ANKS1A: variants seen among roughly 807,000 people sequenced by gnomAD.
The protein encoded by ANKS1A is ankyrin repeat and SAM domain-containing protein 1A.
Under a neutral mutation model 120.3 loss-of-function variants are expected in ANKS1A, and 55 were observed. The ratio of observed to expected loss-of-function variants is 0.46; its 90% CI spans 0.37 to 0.57. ANKS1A has a LOEUF of 0.57. ANKS1A is among the 20% of genes least tolerant of loss of function. The probability of loss-of-function intolerance (pLI) is 0.00; values close to 1 mark genes in which losing one functional copy is unlikely to be tolerated. For missense variants in ANKS1A, 1,123 were observed against 1,480.3 expected (o/e 0.76, Z 3.96); for synonymous variants, 590 against 604.7 (o/e 0.98, Z 0.36).
At chr6:34,975,242 T>C (rs1244113710) in intron 3 of ANKS1A, among the ~76,000 whole-genome samples, 1 of 151,884 alleles carries the variant, frequency 6.6e-6, no homozygotes, top group Non-Finnish European at 1.5e-5. Context: ...TTACCTGAGG[T>C]CAGGGATTCG....
intron 1 of ANKS1A, among the ~76,000 whole-genome samples, chr6:34,918,109 C>A (rs1768262515): frequency 6.6e-6 from 1 of 152,216 alleles, no homozygotes; most frequent in Admixed American, 6.5e-5. Flanking sequence ...ACTGATTTTA[C>A]CCATGATTGA....
intron 1 of ANKS1A, among the ~76,000 whole-genome samples, chr6:34,961,792 G>C (rs1770653846): frequency 6.6e-6 from 1 of 152,180 alleles, no homozygotes; most frequent in South Asian, 2.1e-4. Flanking sequence ...CAGCCTTGGT[G>C]TTTCCTCTTT....
At chr6:35,095,600 GAA>G (rs1389350851), downstream of ANKS1A, among the ~76,000 whole-genome samples, 23 of 67,556 alleles carry the variant, frequency 3.4e-4, no homozygotes, top group Admixed American at 3.0e-3. Flanking sequence ...AAGAGAGAAA[GAA>G]AGAGAGAAAC....
At chr6:34,951,096 T>C (rs1770070961) in intron 1 of ANKS1A, among the ~76,000 whole-genome samples, 1 of 152,190 alleles carries the variant, frequency 6.6e-6, no homozygotes, top group Admixed American at 6.5e-5. Context: ...CATACTGTAC[T>C]TACTGTTATG....
intron 10 of ANKS1A, among the ~76,000 whole-genome samples, chr6:35,006,311 T>C (rs1291960662): frequency 6.7e-6 from 1 of 148,196 alleles, no homozygotes; most frequent in Non-Finnish European, 1.5e-5. Context: ...TGAGGCTCTG[T>C]CTCAAAAAAA....
At position 35,090,119 on chromosome 6, in the gene ANKS1A, G is replaced by T; in HGVS notation, c.*1510G>T. The T allele has an allele frequency of 7.8e-7, 1 of 1,289,370 alleles. No homozygotes were observed. Among genetic ancestry groups the T allele is most frequent in the African/African-American group, 1.5e-5 (1 of 66,004 alleles). 79.9% of individuals were successfully genotyped at this position (1,289,370 alleles called of 1,614,324 possible). A position where few individuals can be genotyped will look rare whatever the true frequency, so the allele number is the denominator to read the frequency against. The stretch of plus-strand genomic sequence containing the variant: ...TCTGCTAAGCACCCAGCAGGTTGGG[G>T]CCTGGGACTCAGCTCTCTCTGCGGT... On this transcript the variant is annotated 3_prime_UTR_variant, in exon 24 of 24. Coordinates refer to ENST00000360359, the MANE Select transcript of ANKS1A (RefSeq NM_015245.3).
chr6:34,891,129 A>G (rs1766801955), intron 1 of ANKS1A, among the ~76,000 whole-genome samples: 1 of 152,156 alleles, frequency 6.6e-6, no homozygotes, highest in African/African-American at 2.4e-5. Context: ...TTCCAAAAGG[A>G]GGGAGACTTA....
At position 35,084,571 on chromosome 6, in the gene ANKS1A, A is replaced by G. The variant is rs2127613975; in HGVS notation, c.3132+313A>G. 1.3e-5 allele frequency among the ~76,000 whole-genome samples: 2 copies of G among 148,578 alleles called. No homozygotes were observed. The highest frequency in any genetic ancestry group is 4.2e-4 in the South Asian group (2 of 4,712). On this transcript the variant is annotated intron_variant, in intron 21 of 23. Transcript: ENST00000360359. The surrounding 1 kb of genome is among the most constrained non-coding windows in gnomAD (Gnocchi z 4.8). ...TTGCACTCCTGGGTTCAGGCAAGTT[A>G]CCCACCTCAGCCTCCCACGTAACTG... is the stretch of plus-strand genomic sequence containing the variant.
chr6:35,023,334 C>T (rs1382150869), intron 11 of ANKS1A, among the ~76,000 whole-genome samples: 8 of 152,266 alleles, frequency 5.3e-5, no homozygotes, highest in East Asian at 1.9e-4. Context: ...GTTTTTGGCA[C>T]TGTTTCTATC....
intron 1 of ANKS1A, among the ~76,000 whole-genome samples, chr6:34,927,321 G>A (rs1284885372): frequency 6.6e-6 from 1 of 152,004 alleles, no homozygotes; most frequent in African/African-American, 2.4e-5. Context: ...GCATAAGGAC[G>A]CAGAAGAAAT....
chr6:34,914,199 G>A (rs1480601030), intron 1 of ANKS1A, among the ~76,000 whole-genome samples: 11 of 152,218 alleles, frequency 7.2e-5, no homozygotes, highest in Non-Finnish European at 1.2e-4. Context: ...GGGATTACAG[G>A]TGTGAGCCAC....
At chr6:34,893,934 A>T (rs1399705394) in intron 1 of ANKS1A, among the ~76,000 whole-genome samples, 6 of 152,234 alleles carry the variant, frequency 3.9e-5, no homozygotes, top group Admixed American at 6.5e-5. Context: ...GAAGAAAAAA[A>T]ATATAGTTTT....
chr6:34,967,104 A>T, intron 1 of ANKS1A, 135 bp from the exon 2 acceptor site: 1 of 734,144 alleles, frequency 1.4e-6, no homozygotes, highest in South Asian at 1.7e-5. Context: ...GTGTGTTATC[A>T]GGAGTCATTT....
At chr6:34,902,444 C>A (rs912528687) in intron 1 of ANKS1A, among the ~76,000 whole-genome samples, 1 of 152,018 alleles carries the variant, frequency 6.6e-6, no homozygotes, top group African/African-American at 2.4e-5. Context: ...GACGGGATTT[C>A]TCCGTGTTGG....
At chr6:34,919,263 G>A (rs1302667768) in intron 1 of ANKS1A, among the ~76,000 whole-genome samples, 5 of 152,184 alleles carry the variant, frequency 3.3e-5, no homozygotes, top group Non-Finnish European at 4.4e-5. Flanking sequence ...GTTCCCCCAG[G>A]AGATTGTTGT....
intron 1 of ANKS1A, among the ~76,000 whole-genome samples, chr6:34,912,415 C>G (rs1422814751): frequency 6.6e-6 from 1 of 152,120 alleles, no homozygotes; most frequent in Non-Finnish European, 1.5e-5. Context: ...GGGTGGTCCT[C>G]GGCTCTATTC....
chr6:35,092,298 A>G (rs1282145163), downstream of ANKS1A, among the ~76,000 whole-genome samples: 6 of 152,204 alleles, frequency 3.9e-5, no homozygotes, highest in Admixed American at 1.3e-4. Context: ...CGTTTCTTAA[A>G]AGGGCCTTAA....
At chr6:34,916,128 G>A (rs1213305630) in intron 1 of ANKS1A, among the ~76,000 whole-genome samples, 2 of 151,848 alleles carry the variant, frequency 1.3e-5, no homozygotes, top group Non-Finnish European at 2.9e-5. Context: ...GAGTAGCTGA[G>A]ACTACAGGTG....
intron 3 of ANKS1A, among the ~76,000 whole-genome samples, chr6:34,980,532 G>T (rs9394264): frequency 0.088 from 13,390 of 152,198 alleles, 760 homozygotes; most frequent in East Asian, 0.34. Flanking sequence ...GTTATTAATA[G>T]AATTAAAGCA....
Sources: gnomAD v4.1 joint callset for allele counts (sites outside exome capture counted in the v4.1 genomes callset) on GRCh38, gnomAD v4.1.1 for gene constraint, Gnocchi (gnomAD v3.1) non-coding constraint, MANE v1.5 for transcripts, NCBI Gene and HGNC (gene_info 2026-07-23, HGNC 2026-07-21) for gene names.